HEATR5B: variants seen among roughly 807,000 people sequenced by gnomAD.
HEATR5B encodes HEAT repeat-containing protein 5B.
HEATR5B carries 156 observed loss-of-function variants against 224.1 expected under a neutral mutation model. The observed-to-expected ratio is 0.70, with a 90% CI of 0.61 to 0.80. The LOEUF is 0.80. Ranked by LOEUF, HEATR5B falls within the 30% of genes least tolerant of loss-of-function variation. HEATR5B has a pLI of 0.00. For synonymous variants in HEATR5B, 1,027 were observed against 893.0 expected, an observed-to-expected ratio of 1.15 and a Z score of -2.68; for missense variants, 2,323 against 2,535.5, an observed-to-expected ratio of 0.92 and a Z score of 1.80.
In HEATR5B at chr2:37,061,924, CA is replaced by C. The variant is rs1671302996; in HGVS notation, c.1696+14del. ...GTTATAGCGTGACAAAAATCCTACT[CA>C]AATATAATTATACCTAAAGTCATAA... is the stretch of plus-strand genomic sequence containing the variant. On this transcript the variant is annotated intron_variant, in intron 11 of 35. Coordinates refer to ENST00000233099, the MANE Select transcript of HEATR5B (RefSeq NM_019024.3). 6.5e-7 allele frequency: 1 copy of C among 1,535,206 alleles called. No homozygotes were observed. Among genetic ancestry groups the C allele is most frequent in the South Asian group, 1.1e-5 (1 of 88,896 alleles).
chr2:37,034,612 C>CAAAAAA (rs772823865), intron 21 of HEATR5B, among the ~76,000 whole-genome samples: 2 of 30,578 alleles, frequency 6.5e-5, no homozygotes, highest in African/African-American at 1.2e-4. Flanking sequence ...GACTCTGTCT[C>CAAAAAA]AAAAAAAAAA....
intron 18 of HEATR5B, among the ~76,000 whole-genome samples, chr2:37,049,218 G>T (rs187241151): frequency 6.6e-6 from 1 of 152,182 alleles, no homozygotes; most frequent in East Asian, 1.9e-4. Flanking sequence ...TAACTATTCT[G>T]TTTCAGTCAT....
chr2:37,024,499 T>C (rs1486951738), intron 24 of HEATR5B, among the ~76,000 whole-genome samples: 1 of 152,204 alleles, frequency 6.6e-6, no homozygotes, highest in East Asian at 1.9e-4. Flanking sequence ...TTGTACATGA[T>C]ATATATATTT....
At chr2:36,990,599 CTGATAAAGGGAAA>C (rs749559109) in intron 34 of HEATR5B, 36 bp downstream of exon 34, 1 of 1,436,936 alleles carries the variant, frequency 7.0e-7, no homozygotes, top group South Asian at 1.5e-5. Flanking sequence ...TGACATTTTC[CTGATAAAGGGAAA>C]TGTTTTTATC....
chr2:36,985,750 C>T (rs1572728324), intron 35 of HEATR5B, among the ~76,000 whole-genome samples: 3 of 151,610 alleles, frequency 2.0e-5, no homozygotes, highest in Non-Finnish European at 2.9e-5. Context: ...CAGGCGTGAG[C>T]CACCACACCT....
chr2:36,991,496 A>AAAAT (rs1491475681), intron 33 of HEATR5B, among the ~76,000 whole-genome samples: 1 of 59,058 alleles, frequency 1.7e-5, no homozygotes, highest in Admixed American at 1.3e-4. Flanking sequence ...ACTCTGTCTC[A>AAAAT]AAAAAAAAAA....
At position 37,065,926 on chromosome 2, in the gene HEATR5B, C is replaced by T. The variant is rs572513030; in HGVS notation, c.1178-16G>A. 6.3e-7 allele frequency: 1 copy of T among 1,596,048 alleles called. No individual in the cohort carries two copies. Among genetic ancestry groups the T allele is most frequent in the South Asian group, 1.1e-5 (1 of 89,952 alleles). On this transcript the variant is annotated splice_polypyrimidine_tract_variant and intron_variant, in intron 8 of 35. Transcript: ENST00000233099. ...ACTACTGCTTCTGGAAACACAAAATCATGTCTTTGACATAGGAGAAATGAA... is the reference window on the plus strand; with the variant it reads ...ACTACTGCTTCTGGAAACACAAAATTATGTCTTTGACATAGGAGAAATGAA...
intron 35 of HEATR5B, among the ~76,000 whole-genome samples, chr2:36,984,237 T>TATATATATATATATATATATATATAA (rs1217602304): frequency 1.0e-3 from 112 of 111,748 alleles, no homozygotes; most frequent in Non-Finnish European, 1.5e-3. Flanking sequence ...TATATATATA[T>TATATATATATATATATATATATATAA]AAAACTGGAA....
At chr2:36,998,423 T>C (rs1666868761) in intron 33 of HEATR5B, among the ~76,000 whole-genome samples, 1 of 152,098 alleles carries the variant, frequency 6.6e-6, no homozygotes, top group Non-Finnish European at 1.5e-5. Context: ...TGTGGGAAAA[T>C]ACAGATTATC....
At chr2:37,051,417 T>C (rs560972086) in intron 17 of HEATR5B, among the ~76,000 whole-genome samples, 91 of 152,014 alleles carry the variant, frequency 6.0e-4, no homozygotes, top group African/African-American at 2.1e-3. Flanking sequence ...TTGAAGTAGT[T>C]TGCTCATCAT....
intron 16 of HEATR5B, chr2:37,055,082 C>G (rs1572900465): frequency 2.4e-6 from 1 of 411,316 alleles, no homozygotes; most frequent in East Asian, 8.7e-5. Flanking sequence ...AAGTAAGTAC[C>G]TTTTGTGCAC....
In HEATR5B at chr2:37,007,267, A is replaced by G. The variant is rs764635473; in HGVS notation, c.4560T>C (p.Ala1520=). The G allele has an allele frequency of 6.2e-7, 1 of 1,613,506 alleles. No homozygotes were observed. Among genetic ancestry groups the G allele is most frequent in the African/African-American group, 1.3e-5 (1 of 74,824 alleles). Residue 1520 remains alanine, a synonymous_variant, in exon 29 of 36, where the codon GCT becomes GCC. Coordinates refer to ENST00000233099, the MANE Select transcript of HEATR5B (RefSeq NM_019024.3). Reference sequence around the variant, plus strand: ...CCCAGGAATTCCGATAGTGAAGTCTAGCTGTATCAATAGTTTCAGGGGTAT... The same window carrying G: ...CCCAGGAATTCCGATAGTGAAGTCTGGCTGTATCAATAGTTTCAGGGGTAT... The part of the protein sequence containing the change: ...AFYTPETIDT[A]RLHYRNSWAP...
chr2:36,996,191 G>A (rs1666694078), intron 33 of HEATR5B, among the ~76,000 whole-genome samples: 2 of 151,866 alleles, frequency 1.3e-5, no homozygotes, highest in South Asian at 4.1e-4. Flanking sequence ...CTCCTGAGTA[G>A]CTGGGATTAT....
chr2:37,014,750 A>G (rs1240770453), intron 26 of HEATR5B, among the ~76,000 whole-genome samples: 3 of 151,288 alleles, frequency 2.0e-5, no homozygotes, highest in African/African-American at 7.3e-5. Context: ...AGGCCAAGGC[A>G]GGCGGATCAC....
intron 18 of HEATR5B, among the ~76,000 whole-genome samples, chr2:37,041,650 G>A (rs558327901): frequency 6.6e-6 from 1 of 152,270 alleles, no homozygotes; most frequent in African/African-American, 2.4e-5. Context: ...GGAGGCTGAA[G>A]TGAGAGGACT....
chr2:37,057,230 T>C (rs1238099398), intron 15 of HEATR5B, 87 bp downstream of exon 15: 2 of 999,122 alleles, frequency 2.0e-6, no homozygotes, highest in South Asian at 2.0e-5. Context: ...AACCTTTCTA[T>C]ACACTATTTT....
Position 37,055,687 on chromosome 2 carries a change from C to T in HEATR5B, c.2399+753G>A, listed in dbSNP as rs184892492. On this transcript the variant is annotated intron_variant, in intron 16 of 35. Coordinates refer to ENST00000233099, the MANE Select transcript of HEATR5B (RefSeq NM_019024.3). ...CTATGTTTCCCAGGCTGGTCTGAAA[C>T]TCCTTGCCTCAAGCAATTCTCTTGC... 5.8e-4 allele frequency among the ~76,000 whole-genome samples: 88 copies of T among 152,276 alleles called. 1 individual carries two copies. Among genetic ancestry groups the T allele is most frequent in the Admixed American group, 3.0e-3 (46 of 15,300 alleles).
chr2:37,078,421 T>C (rs554218735), intron 3 of HEATR5B, among the ~76,000 whole-genome samples: 2 of 152,358 alleles, frequency 1.3e-5, no homozygotes, highest in East Asian at 3.9e-4. Context: ...TACATATGAA[T>C]GTATAATCAA....
At position 37,053,586 on chromosome 2, in the gene HEATR5B, A is replaced by G; in HGVS notation, c.2421T>C (p.Phe807=). ...CTTTAGCTTGTTTAACACATTCAGC[A>G]AAGTGATCCAACATTTGTAATCTAT... ...YKHRLQMLDH[F]AECVKQAKGV... is the part of the protein sequence containing the mutation. Residue 807 remains phenylalanine (F), a synonymous_variant, in exon 17 of 36, where the codon TTT becomes TTC. Coordinates refer to ENST00000233099, the MANE Select transcript of HEATR5B (RefSeq NM_019024.3). 2 of 1,603,860 alleles carry G rather than the reference A, an allele frequency of 1.2e-6. No individual in the cohort carries two copies. Among genetic ancestry groups the G allele is most frequent in the Non-Finnish European group, 1.7e-6 (2 of 1,172,928 alleles).
Sources: gnomAD v4.1 joint callset for allele counts (sites outside exome capture counted in the v4.1 genomes callset) on GRCh38, gnomAD v4.1.1 for gene constraint, MANE v1.5 for transcripts, NCBI Gene and HGNC (gene_info 2026-07-23, HGNC 2026-07-21) for gene names.